CCSER2: variants seen among roughly 807,000 people sequenced by gnomAD.
CCSER2 encodes serine-rich coiled-coil domain-containing protein 2.
Under a neutral mutation model 92.3 loss-of-function variants are expected in CCSER2, and 46 were observed. The ratio of observed to expected loss-of-function variants is 0.50; its 90% CI spans 0.39 to 0.64. CCSER2 has a LOEUF of 0.64. Among genes scored for constraint, CCSER2 ranks in the 30% least tolerant of loss-of-function variants. CCSER2 has a pLI of 0.00. For missense variants in CCSER2, 1,244 were observed against 1,238.9 expected (o/e 1.00, Z -0.06); for synonymous variants, 433 against 431.4 (o/e 1.00, Z -0.04).
At chr10:84,413,825 T>C (rs1240459483) in intron 3 of CCSER2, among the ~76,000 whole-genome samples, 1 of 152,248 alleles carries the variant, frequency 6.6e-6, no homozygotes, top group Non-Finnish European at 1.5e-5. Flanking sequence ...ATCTTGGTAC[T>C]TCTATGTTGG....
At chr10:84,507,176 C>A in intron 9 of CCSER2, 1 of 210,638 alleles carries the variant, frequency 4.7e-6, no homozygotes, top group Non-Finnish European at 8.2e-6. Context: ...ACAACAATAG[C>A]AAAGCAAATA....
At position 84,457,266 on chromosome 10, in the gene CCSER2, T is replaced by A. The variant is rs796804686; in HGVS notation, c.2065-6667T>A. 4.5e-4 allele frequency among the ~76,000 whole-genome samples: 11 copies of A among 24,498 alleles called. No homozygotes were observed. The East Asian group carries it at 5.5e-3, about 12-fold the overall frequency. 16.1% of individuals were successfully genotyped at this position (24,498 alleles called of 152,430 possible). On this transcript the variant is annotated intron_variant, in intron 6 of 9. Transcript: ENST00000372088. ...ATATTATATATTATATAAAATATAT[T>A]ATATATAATATATTATATATTATAT...
At chr10:84,363,622 C>T (rs1019420039) in intron 1 of CCSER2, among the ~76,000 whole-genome samples, 4 of 152,164 alleles carry the variant, frequency 2.6e-5, no homozygotes, top group Non-Finnish European at 5.9e-5. Context: ...GTGGGTGGTT[C>T]CTCAGATGAT....
chr10:84,340,413 G>A (rs1419404569), intron 1 of CCSER2, among the ~76,000 whole-genome samples: 1 of 152,076 alleles, frequency 6.6e-6, no homozygotes, highest in Non-Finnish European at 1.5e-5. Flanking sequence ...TGTTGACCCA[G>A]TTTTGATTGA....
At chr10:84,344,538 T>C (rs762079361) in intron 1 of CCSER2, among the ~76,000 whole-genome samples, 45 of 152,234 alleles carry the variant, frequency 3.0e-4, no homozygotes, top group Non-Finnish European at 5.3e-4. Flanking sequence ...CTCTGTATTA[T>C]AGCATTTTGA....
intron 6 of CCSER2, among the ~76,000 whole-genome samples, chr10:84,461,539 C>T (rs527689912): frequency 4.6e-4 from 70 of 152,156 alleles, no homozygotes; most frequent in Non-Finnish European, 8.7e-4. Flanking sequence ...GTTGATCACT[C>T]TTTAAGTTTA....
chr10:84,460,141 G>A (rs1259924692), intron 6 of CCSER2, among the ~76,000 whole-genome samples: 1 of 144,704 alleles, frequency 6.9e-6, no homozygotes, highest in Non-Finnish European at 1.5e-5. Flanking sequence ...CCAGGCTGGA[G>A]TGCGGGGGTG....
At chr10:84,483,996 T>TAA (rs1847643986) in intron 9 of CCSER2, among the ~76,000 whole-genome samples, 4 of 96,330 alleles carry the variant, frequency 4.2e-5, no homozygotes, top group South Asian at 3.4e-4. Flanking sequence ...TATATATATA[T>TAA]AATTTTTTTT....
At chr10:84,386,345 TAA>T (rs1841202408) in intron 3 of CCSER2, among the ~76,000 whole-genome samples, 1 of 152,226 alleles carries the variant, frequency 6.6e-6, no homozygotes, top group Non-Finnish European at 1.5e-5. Flanking sequence ...GGAATCAACT[TAA>T]GTGTCCATTA....
chr10:84,452,968 A>G (rs919311445), intron 6 of CCSER2, among the ~76,000 whole-genome samples: 3 of 151,902 alleles, frequency 2.0e-5, no homozygotes, highest in African/African-American at 7.3e-5. Flanking sequence ...AGTTGTTGTT[A>G]TATTCCTAAT....
intron 9 of CCSER2, among the ~76,000 whole-genome samples, chr10:84,498,409 A>C (rs548804658): frequency 2.6e-5 from 4 of 152,202 alleles, no homozygotes; most frequent in Non-Finnish European, 5.9e-5. Context: ...ATTTACTAGA[A>C]TATCCTAAAG....
At chr10:84,375,073 A>G (rs1846255643) in intron 3 of CCSER2, among the ~76,000 whole-genome samples, 2 of 152,182 alleles carry the variant, frequency 1.3e-5, no homozygotes, top group Non-Finnish European at 2.9e-5. Context: ...TAAGGCAAAT[A>G]TGATTGAAGT....
intron 9 of CCSER2, among the ~76,000 whole-genome samples, chr10:84,512,956 A>C (rs1032406988): frequency 1.3e-5 from 2 of 152,204 alleles, no homozygotes; most frequent in African/African-American, 4.8e-5. Flanking sequence ...ATTTACTCTA[A>C]ATCTTGTTTA....
intron 6 of CCSER2, among the ~76,000 whole-genome samples, chr10:84,451,126 G>C (rs1044720033): frequency 2.0e-5 from 3 of 151,964 alleles, no homozygotes; most frequent in Non-Finnish European, 2.9e-5. Flanking sequence ...TTAGAGCAGG[G>C]TATAATACTG....
chr10:84,505,309 G>A (rs1359418605), intron 9 of CCSER2, among the ~76,000 whole-genome samples: 1 of 152,062 alleles, frequency 6.6e-6, no homozygotes, highest in Non-Finnish European at 1.5e-5. Context: ...ATAAATCAGT[G>A]TCAGTGTCTC....
intron 1 of CCSER2, among the ~76,000 whole-genome samples, chr10:84,339,598 C>G (rs1844058937): frequency 6.6e-6 from 1 of 151,980 alleles, no homozygotes; most frequent in Non-Finnish European, 1.5e-5. Flanking sequence ...GCCTCAGCCT[C>G]CCAAGTAGCT....
At chr10:84,468,109 A>G (rs942787811) in intron 7 of CCSER2, among the ~76,000 whole-genome samples, 4 of 152,150 alleles carry the variant, frequency 2.6e-5, no homozygotes, top group African/African-American at 9.7e-5. Context: ...AACATTAATC[A>G]GAACCTATGT....
In CCSER2 at chr10:84,379,395, T is replaced by A. The variant is rs950820936; in HGVS notation, c.1614+5580T>A. Among the ~76,000 whole-genome samples, 4 of 152,282 alleles carry A rather than the reference T, an allele frequency of 2.6e-5. No homozygotes were observed. In the Middle Eastern group the frequency reaches 0.01, roughly 388 times the overall value. ...CTATATTGTGCTTATTTTCTGTTTT[T>A]ATTGATTTTGGTTTATATCTTTATT... On this transcript the variant is annotated intron_variant, in intron 3 of 9. Transcript: ENST00000372088.
At chr10:84,334,929 G>A (rs1843749263) in intron 1 of CCSER2, among the ~76,000 whole-genome samples, 1 of 152,132 alleles carries the variant, frequency 6.6e-6, no homozygotes, top group African/African-American at 2.4e-5. Flanking sequence ...AAAGGGAAAA[G>A]AGAAAAAGCA....
Sources: allele counts gnomAD v4.1 joint callset (sites outside exome capture counted in the v4.1 genomes callset), GRCh38; gene constraint gnomAD v4.1.1; transcripts MANE v1.5; gene names NCBI Gene and HGNC (gene_info 2026-07-23, HGNC 2026-07-21).